Variants in CLCN4 observed in about 807,000 individuals in gnomAD.
The protein encoded by CLCN4 is Cl-/H+ antiporter 4.
In CLCN4, 1 loss-of-function variant was observed where a neutral mutation model predicts 41.7. That is an observed-to-expected ratio of 0.02 (90% confidence interval 0.01 to 0.11). CLCN4 has a LOEUF of 0.11. Among genes scored for constraint, CLCN4 ranks in the 10% least tolerant of loss-of-function variants. The pLI is 1.00. For synonymous variants in CLCN4, 277 were observed against 285.8 expected, an observed-to-expected ratio of 0.97 and a Z score of 0.31; for missense variants, 287 against 661.0, an observed-to-expected ratio of 0.43 and a Z score of 6.20.
intron 11 of CLCN4, among the ~76,000 whole-genome samples, chrX:10,214,885 G>A (rs777041613): frequency 9.0e-6 from 1 of 111,456 alleles, no homozygotes; most frequent in African/African-American, 3.3e-5. Flanking sequence ...AGGGGCCTAG[G>A]GCTGCGGGCT....
chrX:10,186,231 T>A (rs1431080323), intron 3 of CLCN4, among the ~76,000 whole-genome samples: 2 of 110,942 alleles, frequency 1.8e-5, no homozygotes, highest in South Asian at 3.9e-4. Context: ...AACTCTGTGG[T>A]TCAAGGGTGA....
intron 2 of CLCN4, among the ~76,000 whole-genome samples, chrX:10,181,869 T>C (rs1923695253): frequency 8.9e-6 from 1 of 112,081 alleles, no homozygotes. Context: ...TATTAATACA[T>C]GCTTGTCTTC....
At chrX:10,230,661 C>T (rs1246948463) in intron 12 of CLCN4, among the ~76,000 whole-genome samples, 1 of 111,920 alleles carries the variant, frequency 8.9e-6, no homozygotes, top group Non-Finnish European at 1.9e-5. Flanking sequence ...AAGAAGAGTG[C>T]TAACATTTGT....
Position 10,208,589 on chromosome X carries a change from A to T in CLCN4, c.1388A>T (p.Lys463Met). 8.3e-7 allele frequency: 1 copy of T among 1,198,000 alleles called. No individual in the cohort carries two copies. Among genetic ancestry groups the T allele is most frequent in the Non-Finnish European group, 1.1e-6 (1 of 888,822 alleles). Reference sequence around the variant, plus strand: ...GTTACCATATTTACCTTTGGCATGAAGGTAAGTGAAAGGGAAGGAAGATGG... The same window carrying T: ...GTTACCATATTTACCTTTGGCATGATGGTAAGTGAAAGGGAAGGAAGATGG... ...IVVTIFTFGM[K>M]IPSGLFIPSM... Residue 463 changes from lysine (K) to methionine (M), a missense_variant and splice_region_variant, in exon 9 of 13, where the codon AAG (lysine) becomes ATG (methionine). This residue lies in a region of CLCN4 where 94 missense variants were observed against 177.9 expected (regional missense o/e 0.53). Coordinates refer to ENST00000380833, the MANE Select transcript of CLCN4 (RefSeq NM_001830.4).
intron 12 of CLCN4, among the ~76,000 whole-genome samples, chrX:10,229,978 C>T (rs932757051): frequency 8.9e-6 from 1 of 112,544 alleles, no homozygotes; most frequent in East Asian, 2.8e-4. Flanking sequence ...CATCCACCCC[C>T]TCAAGCATTT....
At chrX:10,179,446 A>T (rs1208134961) in intron 2 of CLCN4, among the ~76,000 whole-genome samples, 1 of 111,600 alleles carries the variant, frequency 9.0e-6, no homozygotes, top group African/African-American at 3.3e-5. Context: ...AAACAGTCTA[A>T]ACAGTCTCCT....
At chrX:10,182,073 G>A (rs1204878792) in intron 2 of CLCN4, among the ~76,000 whole-genome samples, 2 of 111,547 alleles carry the variant, frequency 1.8e-5, no homozygotes, top group Non-Finnish European at 3.8e-5. Flanking sequence ...TTGTGTAGGA[G>A]AGATGTTCTC....
rs769661442 is a variant in CLCN4 at position 10,216,916 on chromosome X, T to TACACAC, written c.1975+2838_1975+2839insCACACA. 3.6e-3 allele frequency among the ~76,000 whole-genome samples: 74 copies of TACACAC among 20,419 alleles called. 1 individual carries two copies. The highest frequency in any genetic ancestry group is 0.013 in the African/African-American group (68 of 5,102). The allele number at this position is 20,419 out of a possible 115,157, so 17.7% of individuals were successfully genotyped here. A position where few individuals can be genotyped will look rare whatever the true frequency, so the allele number is the denominator to read the frequency against. ...GTGTGTGTATATATATATATATATA[T>TACACAC]ATACACACACACACATAGAGGGACT... On this transcript the variant is annotated intron_variant, in intron 11 of 12. Coordinates refer to ENST00000380833, the MANE Select transcript of CLCN4 (RefSeq NM_001830.4).
chrX:10,189,096 A>G (rs5933820), intron 4 of CLCN4, among the ~76,000 whole-genome samples: 42,153 of 111,136 alleles, frequency 0.38, 6,761 homozygotes, highest in African/African-American at 0.61. Context: ...CTGCTTCTAT[A>G]AAGGCCTTTG....
At chrX:10,198,135 A>G in intron 6 of CLCN4, 74 bp downstream of exon 6, 1 of 1,042,752 alleles carries the variant, frequency 9.6e-7, no homozygotes. Flanking sequence ...CATGCCAAGC[A>G]CAGTTCCAAG....
At chrX:10,174,675 G>GCCCTACCTTTCTGTCAC (rs1923472867) in intron 2 of CLCN4, among the ~76,000 whole-genome samples, 1 of 111,251 alleles carries the variant, frequency 9.0e-6, no homozygotes, top group Admixed American at 9.5e-5. Context: ...CCTGCTGTCA[G>GCCCTACCTTTCTGTCAC]CCCTACCTTT....
At position 10,208,590 on chromosome X, in the gene CLCN4, G is replaced by A; in HGVS notation, c.1389G>A (p.Lys463=). 1.7e-6 allele frequency: 2 copies of A among 1,197,968 alleles called. No individual in the cohort carries two copies. Among genetic ancestry groups the A allele is most frequent in the Non-Finnish European group, 2.3e-6 (2 of 888,823 alleles). The part of the protein sequence containing the change: ...IVVTIFTFGM[K]IPSGLFIPSM... ...TTACCATATTTACCTTTGGCATGAA[G>A]GTAAGTGAAAGGGAAGGAAGATGGG... The change falls in exon 9 of 13, where the codon AAG becomes AAA. Residue 463 remains lysine (K), a splice_region_variant and synonymous_variant. Coordinates refer to ENST00000380833, the MANE Select transcript of CLCN4 (RefSeq NM_001830.4).
rs757642091 is a variant in CLCN4, at chrX:10,206,901, T to G, written c.843+125T>G. Reference sequence around the variant, plus strand: ...AGGAGCCACAATTTCCACTGTTTTTTTTTTGTTTTGTTTTTGTTTTTGTTT... The same window carrying G: ...AGGAGCCACAATTTCCACTGTTTTTGTTTTGTTTTGTTTTTGTTTTTGTTT... On this transcript the variant is annotated intron_variant, in intron 8 of 12. Coordinates refer to ENST00000380833, the MANE Select transcript of CLCN4 (RefSeq NM_001830.4). 3.7e-3 allele frequency: 1,718 copies of G among 470,156 alleles called. 5 individuals carry two copies. Among genetic ancestry groups the G allele is most frequent in the Non-Finnish European group, 4.7e-3 (1,414 of 303,146 alleles). 38.7% of individuals were successfully genotyped at this position (470,156 alleles called of 1,213,427 possible). A position where few individuals can be genotyped will look rare whatever the true frequency, so the allele number is the denominator to read the frequency against.
intron 11 of CLCN4, among the ~76,000 whole-genome samples, chrX:10,215,548 T>G (rs1011009962): frequency 8.9e-6 from 1 of 112,119 alleles, no homozygotes; most frequent in African/African-American, 3.2e-5. Context: ...TGAGGTTTTT[T>G]TAAGGTTAAG....
intron 2 of CLCN4, among the ~76,000 whole-genome samples, chrX:10,162,064 C>G (rs5979270): frequency 0.23 from 22,469 of 96,154 alleles, 2,399 homozygotes; most frequent in African/African-American, 0.32. Flanking sequence ...GTCACCCAGG[C>G]TGCAGTGCAG....
rs1925219531 is a variant in CLCN4 at position 10,235,123 on chromosome X, A to G, written c.*1539A>G. The G allele has an allele frequency of 8.9e-6, 1 of 112,423 alleles. No individual in the cohort carries two copies. Among genetic ancestry groups the G allele is most frequent in the African/African-American group, 3.2e-5 (1 of 30,860 alleles). 9.3% of individuals were successfully genotyped at this position (112,423 alleles called of 1,213,427 possible). On this transcript the variant is annotated 3_prime_UTR_variant, in exon 13 of 13. Coordinates refer to ENST00000380833, the MANE Select transcript of CLCN4 (RefSeq NM_001830.4). The stretch of plus-strand genomic sequence containing the variant: ...TCTCCATAACATCATTGGGATCCCC[A>G]TCCCGTTGCTATTTCTTTTTCACCG...
Position 10,206,370 on chromosome X carries a change from T to C in CLCN4, c.568T>C (p.Leu190=). Residue 190 remains leucine, a synonymous_variant, in exon 7 of 13, where the codon TTG becomes CTG. Coordinates refer to ENST00000380833, the MANE Select transcript of CLCN4 (RefSeq NM_001830.4). ...TCCTCTGTTTCAGATAAAGACCATT[T>C]TGAGCGGCTTTATCATCAGGGGCTA... ...GSGIPEIKTI[L]SGFIIRGYLG... The C allele has an allele frequency of 1.7e-6, 2 of 1,207,599 alleles. No individual in the cohort carries two copies. The highest frequency in any genetic ancestry group is 2.2e-6 in the Non-Finnish European group (2 of 892,780).
In CLCN4 at chrX:10,159,342, T is replaced by C. The variant is rs764859248; in HGVS notation, c.-12+791T>C. Among the ~76,000 whole-genome samples the C allele has an allele frequency of 9.4e-4, 105 of 111,701 alleles. 1 individual carries two copies. The highest frequency in any genetic ancestry group is 3.2e-3 in the African/African-American group (99 of 30,678). On this transcript the variant is annotated intron_variant, in intron 2 of 12. Transcript: ENST00000380833. ...TTCTTGTTAATTCTCTCGCTGATAATTCGCTTGCTGAATGGAGAGGCTTGA... is the reference window on the plus strand; with the variant it reads ...TTCTTGTTAATTCTCTCGCTGATAACTCGCTTGCTGAATGGAGAGGCTTGA...
intron 5 of CLCN4, 108 bp downstream of exon 5, chrX:10,195,206 G>GC (rs1362871582): frequency 2.5e-6 from 2 of 791,956 alleles, no homozygotes; most frequent in Non-Finnish European, 3.7e-6. Flanking sequence ...TCAAGTGCCT[G>GC]CTCTGAAGTT....
Sources: allele counts gnomAD v4.1 joint callset (sites outside exome capture counted in the v4.1 genomes callset), GRCh38; gene constraint gnomAD v4.1.1; regional missense constraint gnomAD v4.1.1; transcripts MANE v1.5; gene names NCBI Gene and HGNC (gene_info 2026-07-23, HGNC 2026-07-21).